The following NLRP12 variants were observed in gnomAD, a reference collection of about 807,000 sequenced individuals.
The protein encoded by NLRP12 is NLR family pyrin domain containing 12.
NLRP12 carries 108 observed loss-of-function variants against 91.2 expected under a neutral mutation model. The ratio of observed to expected loss-of-function variants is 1.18; its 90% CI spans 1.01 to 1.39. NLRP12 has a LOEUF of 1.39. Among genes scored for constraint, NLRP12 ranks in the 40% most tolerant of loss-of-function variants. NLRP12 has a pLI of 0.00. For synonymous variants in NLRP12, 613 were observed against 566.7 expected (o/e 1.08, Z -1.16); for missense variants, 1,530 against 1,352.7 (o/e 1.13, Z -2.06).
At chr19:53,805,628 C>T (rs2091947165) in intron 4 of NLRP12, 178 bp from the exon 5 acceptor site, 1 of 668,202 alleles carries the variant, frequency 1.5e-6, no homozygotes, top group Non-Finnish European at 2.7e-6. Context: ...AGCAATCCTC[C>T]TGCCTTGGCC....
chr19:53,813,328 A>C (rs2092109608), intron 2 of NLRP12, among the ~76,000 whole-genome samples: 1 of 102,350 alleles, frequency 9.8e-6, no homozygotes, highest in African/African-American at 4.0e-5. Context: ...TTTGAGACAG[A>C]GTCTTGCTCT....
intron 1 of NLRP12, among the ~76,000 whole-genome samples, chr19:53,815,331 C>T (rs1023610417): frequency 3.4e-5 from 5 of 147,158 alleles, no homozygotes; most frequent in Admixed American, 1.4e-4. Flanking sequence ...TGAATTCAAG[C>T]GATTCTCCTG....
chr19:53,810,487 A>T lies in NLRP12; in HGVS notation c.1172T>A (p.Val391Glu). The change falls in exon 3 of 10, where the codon GTG becomes GAG. Residue 391 changes from valine (V) to glutamate (E), a missense_variant. Val to Glu is a moderately radical substitution (Grantham distance 121). Transcript: ENST00000324134. ...GGTGAAGAGAGGCTCGTTGTCCCTC[A>T]CGTAATTGAAGACTTGGCCCGCCTG... ...AEQAGQVFNYVRDNEPLFTMC... is the reference protein window; with the variant it reads ...AEQAGQVFNYERDNEPLFTMC... 1 of 1,614,096 alleles carries T rather than the reference A, an allele frequency of 6.2e-7. No homozygotes were observed. The highest frequency in any genetic ancestry group is 8.5e-7 in the Non-Finnish European group (1 of 1,180,016).
At chr19:53,796,468 C>T (rs1231278091) in intron 8 of NLRP12, among the ~76,000 whole-genome samples, 6 of 151,798 alleles carry the variant, frequency 4.0e-5, no homozygotes, top group Non-Finnish European at 8.8e-5. Context: ...AGAATGGTCT[C>T]AATCTCTTGA....
At chr19:53,800,249 A>G (rs2091845101) in intron 7 of NLRP12, among the ~76,000 whole-genome samples, 1 of 152,018 alleles carries the variant, frequency 6.6e-6, no homozygotes, top group African/African-American at 2.4e-5. Context: ...AGCTCGCAGT[A>G]AGCTGAGATC....
chr19:53,805,236 G>A (rs747828973), intron 5 of NLRP12, 44 bp downstream of exon 5: 2 of 1,581,014 alleles, frequency 1.3e-6, no homozygotes, highest in South Asian at 1.1e-5. Context: ...CATGCCCCAG[G>A]AGACAATGAG....
chr19:53,800,978 A>C (rs1223099618), intron 7 of NLRP12, among the ~76,000 whole-genome samples: 1 of 151,808 alleles, frequency 6.6e-6, no homozygotes, highest in Non-Finnish European at 1.5e-5. Context: ...GCAGATCATG[A>C]GGTCAGTAGA....
intron 1 of NLRP12, among the ~76,000 whole-genome samples, chr19:53,821,717 G>A (rs568142292): frequency 6.6e-6 from 1 of 152,216 alleles, no homozygotes; most frequent in South Asian, 2.1e-4. Flanking sequence ...GCACAGAAGT[G>A]GGGTTTCTGA....
At chr19:53,822,988 G>A (rs1034121916) in intron 1 of NLRP12, among the ~76,000 whole-genome samples, 5 of 151,228 alleles carry the variant, frequency 3.3e-5, no homozygotes, top group Non-Finnish European at 5.9e-5. Context: ...GACTGATCTC[G>A]AATTCCTGAC....
rs113150527 is a variant in NLRP12, at chr19:53,813,596, C to T, written c.370+1312G>A. Reference sequence around the variant, plus strand: ...GGATTACAGGCGTGAGCCACCATGCCGGGCGTGGCAACTGCTGTTCTACTT... The same window carrying T: ...GGATTACAGGCGTGAGCCACCATGCTGGGCGTGGCAACTGCTGTTCTACTT... On this transcript the variant is annotated intron_variant, in intron 2 of 9. Coordinates refer to ENST00000324134, the MANE Select transcript of NLRP12 (RefSeq NM_144687.4). 3.6e-3 allele frequency among the ~76,000 whole-genome samples: 544 copies of T among 149,452 alleles called. 4 individuals are homozygous for T. Among genetic ancestry groups the T allele is most frequent in the African/African-American group, 0.013 (520 of 40,610 alleles).
intron 1 of NLRP12, among the ~76,000 whole-genome samples, chr19:53,820,638 G>A (rs1210148346): frequency 6.6e-6 from 1 of 151,968 alleles, no homozygotes; most frequent in Non-Finnish European, 1.5e-5. Flanking sequence ...CAGCCCAGGA[G>A]TTTGAGTCTA....
chr19:53,809,410 A>G (rs2092015954), intron 3 of NLRP12, among the ~76,000 whole-genome samples, 177 bp downstream of exon 3: 1 of 145,732 alleles, frequency 6.9e-6, no homozygotes, highest in African/African-American at 2.5e-5. Context: ...GTGCACCTGT[A>G]GTCCCAGCTA....
chr19:53,818,037 C>G (rs1440321459), intron 1 of NLRP12, among the ~76,000 whole-genome samples: 1 of 151,846 alleles, frequency 6.6e-6, no homozygotes, highest in African/African-American at 2.4e-5. Flanking sequence ...CGTGCCTCAG[C>G]CTCCAACATG....
chr19:53,812,279 C>T (rs1374351033), intron 2 of NLRP12, among the ~76,000 whole-genome samples: 1 of 151,784 alleles, frequency 6.6e-6, no homozygotes, highest in Non-Finnish European at 1.5e-5. Flanking sequence ...TGTGCTTCTC[C>T]AACTTTAAGA....
At chr19:53,819,352 C>A (rs997684358) in intron 1 of NLRP12, among the ~76,000 whole-genome samples, 1 of 141,848 alleles carries the variant, frequency 7.0e-6, no homozygotes, top group Non-Finnish European at 1.5e-5. Context: ...TCAAGTGATT[C>A]TCCTGCCTCA....
chr19:53,799,765 G>T (rs903023352), intron 7 of NLRP12, among the ~76,000 whole-genome samples: 13 of 152,046 alleles, frequency 8.6e-5, no homozygotes, highest in African/African-American at 3.1e-4. Context: ...TTACAGGTGT[G>T]AGCCACCGCA....
intron 2 of NLRP12, among the ~76,000 whole-genome samples, chr19:53,812,134 A>AT (rs2092086009): frequency 6.7e-6 from 1 of 149,004 alleles, no homozygotes; most frequent in Non-Finnish European, 1.5e-5. Context: ...TGCTTCTCAA[A>AT]CTTTTTTTTT....
Position 53,809,680 on chromosome 19 carries a change from G to A in NLRP12, c.1979C>T (p.Ala660Val). The A allele has an allele frequency of 1.2e-6, 2 of 1,614,088 alleles. No homozygotes were observed. Among genetic ancestry groups the A allele is most frequent in the Admixed American group, 3.3e-5 (2 of 60,004 alleles). The change falls in exon 3 of 10, where the codon GCC (alanine) becomes GTC (valine). Residue 660 changes from alanine to valine, a missense_variant. Transcript: ENST00000324134. Reference sequence around the variant, plus strand: ...GGCGCCATACAAGTGCAGCACCTGGGCGCTCCTGCAGCGCTTCAGACAGAA... The same window carrying A: ...GGCGCCATACAAGTGCAGCACCTGGACGCTCCTGCAGCGCTTCAGACAGAA... ...SSFCLKRCRS[A>V]QVLHLYGATY...
chr19:53,798,140 T>TCA (rs2091802421), intron 8 of NLRP12, 103 bp downstream of exon 8: 1 of 1,249,682 alleles, frequency 8.0e-7, no homozygotes, highest in South Asian at 1.2e-5. Flanking sequence ...CTGAATCTTT[T>TCA]GTAGTGAAGC....
Sources: gnomAD v4.1 joint callset for allele counts (sites outside exome capture counted in the v4.1 genomes callset) on GRCh38, gnomAD v4.1.1 for gene constraint, MANE v1.5 for transcripts, NCBI Gene and HGNC (gene_info 2026-07-23, HGNC 2026-07-21) for gene names.